PRKN: variants seen among roughly 807,000 people sequenced by gnomAD.
PRKN encodes the protein E3 ubiquitin-protein ligase parkin.
PRKN carries 56 observed loss-of-function variants against 59.5 expected under a neutral mutation model. That is an observed-to-expected ratio of 0.94 (90% confidence interval 0.76 to 1.18). The LOEUF is 1.18. PRKN is among the 50% of genes most tolerant of loss of function. The pLI, the probability that PRKN is intolerant of heterozygous loss-of-function variation, is 0.00. For synonymous variants in PRKN, 250 were observed against 222.1 expected (o/e 1.13, Z -1.12); for missense variants, 657 against 596.4 (o/e 1.10, Z -1.06).
Position 161,554,112 on chromosome 6 carries a change from G to A in PRKN, c.934-5109C>T, listed in dbSNP as rs1244520089. ...ACAAGGTTTTTACTTAACATTTTCT[G>A]TTTTACCTCTGTTGCTCCTTTCTTC... On this transcript the variant is annotated intron_variant, in intron 8 of 11. Transcript: ENST00000366898. This position sits in a 1 kb window ranked among gnomAD's most constrained non-coding sequence, Gnocchi z 4.5. Among the ~76,000 whole-genome samples the A allele has an allele frequency of 6.6e-6, 1 of 152,122 alleles. No individual in the cohort carries two copies. Among genetic ancestry groups the A allele is most frequent in the East Asian group, 1.9e-4 (1 of 5,196 alleles).
In PRKN at chr6:162,414,726, A is replaced by AAAAAGT. The variant is rs34838356; in HGVS notation, c.171+28583_171+28584insACTTTT. ...ACTCCGTCTCAAAAAAAAAAAAAAA[A>AAAAAGT]AGTGAATCTTTGAAGTTTTAAAATA... On this transcript the variant is annotated intron_variant, in intron 2 of 11. Coordinates refer to ENST00000366898, the MANE Select transcript of PRKN (RefSeq NM_004562.3). Among the ~76,000 whole-genome samples, 17 of 91,868 alleles carry AAAAAGT rather than the reference A, an allele frequency of 1.9e-4. 1 individual carries two copies. Among genetic ancestry groups the AAAAAGT allele is most frequent in the South Asian group, 6.8e-4 (2 of 2,954 alleles). The allele number at this position is 91,868 out of a possible 152,430, so 60.3% of individuals were successfully genotyped here.
At chr6:162,510,981 G>A (rs1285387807) in intron 1 of PRKN, among the ~76,000 whole-genome samples, 9 of 151,736 alleles carry the variant, frequency 5.9e-5, no homozygotes, top group African/African-American at 2.2e-4. Context: ...TATACCCACT[G>A]AACAATAAAA....
chr6:161,673,185 C>G (rs1163560175), intron 7 of PRKN, among the ~76,000 whole-genome samples: 2 of 152,178 alleles, frequency 1.3e-5, no homozygotes, highest in Non-Finnish European at 2.9e-5. Context: ...CTCACACACA[C>G]TCATCCAAGA....
intron 7 of PRKN, among the ~76,000 whole-genome samples, chr6:161,757,376 A>G (rs568007275): frequency 6.6e-6 from 1 of 152,324 alleles, no homozygotes; most frequent in Non-Finnish European, 1.5e-5. Context: ...GAATTCTTAC[A>G]TTTTTATAGT....
chr6:161,563,981 A>G (rs1234684553), intron 8 of PRKN, among the ~76,000 whole-genome samples: 1 of 152,230 alleles, frequency 6.6e-6, no homozygotes, highest in Admixed American at 6.5e-5. Context: ...ATTCTAAGAG[A>G]TGATTGAGCT....
intron 1 of PRKN, among the ~76,000 whole-genome samples, chr6:162,588,236 C>T (rs1196935544): frequency 6.6e-6 from 1 of 151,838 alleles, no homozygotes; most frequent in South Asian, 2.1e-4. Flanking sequence ...GTCTTGAACT[C>T]CTGACCTCAA....
chr6:162,178,478 GGC>G (rs1387568162), intron 4 of PRKN, among the ~76,000 whole-genome samples: 9 of 152,130 alleles, frequency 5.9e-5, no homozygotes, highest in African/African-American at 2.2e-4. Flanking sequence ...CCTGGCCTAT[GGC>G]TCCGGTGCTC....
At chr6:162,588,831 G>A (rs574145553) in intron 1 of PRKN, among the ~76,000 whole-genome samples, 39 of 152,228 alleles carry the variant, frequency 2.6e-4, no homozygotes, top group African/African-American at 3.1e-4. Flanking sequence ...GATTACAGGC[G>A]TGAGCCACCG....
chr6:161,483,191 AC>A lies in PRKN; in HGVS notation c.1083+65662del, dbSNP rs1376002514. On this transcript the variant is annotated intron_variant, in intron 9 of 11. Coordinates refer to ENST00000366898, the MANE Select transcript of PRKN (RefSeq NM_004562.3). This position sits in a 1 kb window ranked among gnomAD's most constrained non-coding sequence, Gnocchi z 5.0. ...TTGTGTTTCAAAAAAAAAAAAAAAAACATGCATTGTTAATGAGACTTCGCCA... is the reference window on the plus strand; with the variant it reads ...TTGTGTTTCAAAAAAAAAAAAAAAAAATGCATTGTTAATGAGACTTCGCCA... 4.0e-5 allele frequency among the ~76,000 whole-genome samples: 6 copies of A among 150,650 alleles called. No individual in the cohort carries two copies. The highest frequency in any genetic ancestry group is 2.1e-4 in the South Asian group (1 of 4,764).
intron 4 of PRKN, among the ~76,000 whole-genome samples, chr6:162,101,584 A>G (rs770582799): frequency 2.0e-5 from 3 of 151,880 alleles, no homozygotes; most frequent in Non-Finnish European, 4.4e-5. Flanking sequence ...AGGCAGGAGA[A>G]TGGCGTAAAC....
At chr6:162,447,515 A>T (rs1212314463) in intron 1 of PRKN, among the ~76,000 whole-genome samples, 1 of 152,190 alleles carries the variant, frequency 6.6e-6, no homozygotes, top group Non-Finnish European at 1.5e-5. Context: ...TAATGCACTG[A>T]TAACAAAAAA....
At chr6:161,426,676 C>CACACACACACACACACAT (rs11271613) in intron 9 of PRKN, among the ~76,000 whole-genome samples, 10,329 of 142,660 alleles carry the variant, frequency 0.072, 583 homozygotes, top group African/African-American at 0.097. Flanking sequence ...CACACACACA[C>CACACACACACACACACAT]CTCCTATTAG....
chr6:161,726,803 A>G (rs905764620), intron 7 of PRKN, among the ~76,000 whole-genome samples: 1 of 152,182 alleles, frequency 6.6e-6, no homozygotes, highest in African/African-American at 2.4e-5. Flanking sequence ...GGCCCTCCCA[A>G]TCAGGAATCA....
intron 11 of PRKN, among the ~76,000 whole-genome samples, chr6:161,358,689 A>C: frequency 6.6e-6 from 1 of 151,678 alleles, no homozygotes; most frequent in East Asian, 1.9e-4. Flanking sequence ...TCTCCTGGGA[A>C]GGGCCCTTCC....
chr6:161,815,111 C>T (rs1791719625), intron 6 of PRKN, among the ~76,000 whole-genome samples: 1 of 152,200 alleles, frequency 6.6e-6, no homozygotes, highest in South Asian at 2.1e-4. Context: ...ATTTCATCCC[C>T]AATTCATTGC....
intron 9 of PRKN, among the ~76,000 whole-genome samples, chr6:161,513,177 T>G (rs534386017): frequency 6.6e-6 from 1 of 152,382 alleles, no homozygotes; most frequent in South Asian, 2.1e-4. Context: ...CCTCTTAAGC[T>G]ATTACATTCT....
At chr6:161,452,016 C>CA (rs1158477836) in intron 9 of PRKN, among the ~76,000 whole-genome samples, 1 of 151,200 alleles carries the variant, frequency 6.6e-6, no homozygotes, top group Non-Finnish European at 1.5e-5. Flanking sequence ...AGTGCAGTGG[C>CA]ATGATCTTGG....
intron 7 of PRKN, among the ~76,000 whole-genome samples, chr6:161,697,694 T>A (rs1341737449): frequency 6.6e-6 from 1 of 152,162 alleles, no homozygotes; most frequent in Non-Finnish European, 1.5e-5. Flanking sequence ...CAATATCTGT[T>A]TCAAACACAT....
At chr6:162,699,515 G>A (rs978711061) in intron 1 of PRKN, among the ~76,000 whole-genome samples, 1 of 152,164 alleles carries the variant, frequency 6.6e-6, no homozygotes, top group African/African-American at 2.4e-5. Flanking sequence ...CTTACTATGT[G>A]AGATATAATC....
Sources: allele counts gnomAD v4.1 joint callset (sites outside exome capture counted in the v4.1 genomes callset), GRCh38; gene constraint gnomAD v4.1.1; non-coding constraint Gnocchi (gnomAD v3.1); transcripts MANE v1.5; gene names NCBI Gene and HGNC (gene_info 2026-07-23, HGNC 2026-07-21).